The following NCOA2 variants were observed in gnomAD, a reference collection of about 807,000 sequenced individuals.
NCOA2 encodes class E basic helix-loop-helix protein 75.
A neutral mutation model predicts 145.1 loss-of-function variants in NCOA2; 21 were observed. That is an observed-to-expected ratio of 0.14 (90% confidence interval 0.10 to 0.21). The LOEUF (loss-of-function observed/expected upper bound fraction) is 0.21. Among genes scored for constraint, NCOA2 ranks in the 10% least tolerant of loss-of-function variants. NCOA2 has a pLI of 1.00. For synonymous variants in NCOA2, 619 were observed against 637.5 expected (o/e 0.97, Z 0.44); for missense variants, 1,472 against 1,837.6 (o/e 0.80, Z 3.64).
rs547498300 is a variant in NCOA2 at position 70,358,079 on chromosome 8, A to T, written c.-77+45621T>A. ...AAAAACAAAACAGAACAACAACAAA[A>T]AAAACCCTACAAAACACTCCTAAAG... On this transcript the variant is annotated intron_variant, in intron 1 of 22. Coordinates refer to ENST00000452400, the MANE Select transcript of NCOA2 (RefSeq NM_006540.4). Among the ~76,000 whole-genome samples, 3 of 152,104 alleles carry T rather than the reference A, an allele frequency of 2.0e-5. No homozygotes were observed. The South Asian group carries it at 6.2e-4, about 31-fold the overall frequency.
chr8:70,268,935 T>G lies in NCOA2; in HGVS notation c.-20+27809A>C, dbSNP rs1243626748. Among the ~76,000 whole-genome samples the G allele has an allele frequency of 2.0e-5, 3 of 152,326 alleles. No individual in the cohort carries two copies. In the East Asian group the frequency reaches 5.8e-4, roughly 29 times the overall value. On this transcript the variant is annotated intron_variant, in intron 2 of 22. Transcript: ENST00000452400. ...CAACTTTCCCAGTTGTCTCCGCAGC[T>G]AGTCTGTAAAGATAAATATTTATAG...
intron 1 of NCOA2, among the ~76,000 whole-genome samples, chr8:70,305,305 T>C (rs1317709814): frequency 6.6e-6 from 1 of 152,140 alleles, no homozygotes; most frequent in African/African-American, 2.4e-5. Context: ...AAAGGCACCC[T>C]TCCCCAAATG....
At chr8:70,392,672 T>C (rs1813311676) in intron 1 of NCOA2, among the ~76,000 whole-genome samples, 1 of 152,214 alleles carries the variant, frequency 6.6e-6, no homozygotes, top group Non-Finnish European at 1.5e-5. Flanking sequence ...TATTTGGTTT[T>C]GTTTTATTAC....
chr8:70,326,703 T>G (rs1806619181), intron 1 of NCOA2, among the ~76,000 whole-genome samples: 1 of 152,182 alleles, frequency 6.6e-6, no homozygotes, highest in Non-Finnish European at 1.5e-5. Context: ...AAAGTTTACT[T>G]GACCATTATA....
intron 4 of NCOA2, among the ~76,000 whole-genome samples, chr8:70,208,758 AT>A (rs1421335517): frequency 6.6e-6 from 1 of 152,214 alleles, no homozygotes; most frequent in Non-Finnish European, 1.5e-5. Flanking sequence ...TTTACTGACT[AT>A]TTTAAGCCCA....
At chr8:70,353,768 T>C (rs1017225735) in intron 1 of NCOA2, among the ~76,000 whole-genome samples, 18 of 152,248 alleles carry the variant, frequency 1.2e-4, no homozygotes, top group Admixed American at 7.8e-4. Flanking sequence ...TGGTTTGGCC[T>C]ATACGATTTA....
intron 1 of NCOA2, among the ~76,000 whole-genome samples, chr8:70,312,579 T>C (rs1046679693): frequency 6.6e-6 from 1 of 151,796 alleles, no homozygotes; most frequent in African/African-American, 2.4e-5. Flanking sequence ...CAAAATCATC[T>C]TGGAAAACAC....
Position 70,138,300 on chromosome 8 carries a change from G to A in NCOA2, c.3061C>T (p.Pro1021Ser). The A allele has an allele frequency of 6.2e-7, 1 of 1,612,922 alleles. No individual in the cohort carries two copies. Among genetic ancestry groups the A allele is most frequent in the Non-Finnish European group, 8.5e-7 (1 of 1,179,392 alleles). Residue 1021 changes from proline (P) to serine (S), a missense_variant, in exon 15 of 23, where the codon CCT (proline) becomes TCT (serine). Transcript: ENST00000452400. Reference sequence around the variant, plus strand: ...GGAGCTTGTTGTTGGCTATACTGAGGTCCCCCCATGTTCATCTCTAATTCA... The same window carrying A: ...GGAGCTTGTTGTTGGCTATACTGAGATCCCCCCATGTTCATCTCTAATTCA... ...PSELEMNMGG[P>S]QYSQQQAPPN... is the part of the protein sequence containing the mutation.
At chr8:70,405,248 A>C (rs1814714591), upstream of NCOA2, among the ~76,000 whole-genome samples, 1 of 152,024 alleles carries the variant, frequency 6.6e-6, no homozygotes, top group Non-Finnish European at 1.5e-5. Context: ...AAAAGAATAA[A>C]AAAAATGTGT....
chr8:70,314,826 C>T (rs368283800), intron 1 of NCOA2, among the ~76,000 whole-genome samples: 16 of 152,230 alleles, frequency 1.1e-4, no homozygotes, highest in East Asian at 9.7e-4. Flanking sequence ...CTAAGGCCTA[C>T]AAGAGAAACG....
chr8:70,113,572 CTG>C lies in NCOA2; in HGVS notation c.*58_*59del. The C allele has an allele frequency of 6.5e-7, 1 of 1,537,774 alleles. No homozygotes were observed. ...AAACAAATAGACACAGCTCTCCAGA[CTG>C]GAAGTGTTTTGAGCAAGTGAGCCCG... On this transcript the variant is annotated 3_prime_UTR_variant, in exon 23 of 23. Coordinates refer to ENST00000452400, the MANE Select transcript of NCOA2 (RefSeq NM_006540.4).
chr8:70,278,311 T>C (rs1825616448), intron 2 of NCOA2, among the ~76,000 whole-genome samples: 1 of 152,230 alleles, frequency 6.6e-6, no homozygotes, highest in Non-Finnish European at 1.5e-5. Flanking sequence ...ATTCATCAGC[T>C]GATGGATGTT....
At chr8:70,252,379 A>C (rs905947172) in intron 2 of NCOA2, among the ~76,000 whole-genome samples, 3 of 152,216 alleles carry the variant, frequency 2.0e-5, no homozygotes, top group African/African-American at 7.2e-5. Context: ...GTTCAAGACC[A>C]GCCTGGGCAA....
intron 2 of NCOA2, among the ~76,000 whole-genome samples, chr8:70,249,688 T>C (rs949481095): frequency 6.6e-6 from 1 of 151,786 alleles, no homozygotes; most frequent in African/African-American, 2.4e-5. Context: ...GTAGGCCGGG[T>C]GCAGTGGCTC....
At chr8:70,233,900 T>C (rs1202069616) in intron 2 of NCOA2, among the ~76,000 whole-genome samples, 2 of 152,122 alleles carry the variant, frequency 1.3e-5, no homozygotes, top group Non-Finnish European at 2.9e-5. Context: ...CAATTTAATA[T>C]ATACATTAAA....
At chr8:70,273,969 C>G (rs539232421) in intron 2 of NCOA2, 1 of 358,970 alleles carries the variant, frequency 2.8e-6, no homozygotes, top group African/African-American at 2.1e-5. Flanking sequence ...ATCTAGATCT[C>G]TAATATTTTT....
upstream of NCOA2, chr8:70,403,870 C>T (rs188284250): frequency 7.7e-6 from 3 of 388,180 alleles, no homozygotes; most frequent in Admixed American, 1.3e-4. Flanking sequence ...CCTCCTCCTC[C>T]TCCTCCTCCG....
rs771891623 is a variant in NCOA2, at chr8:70,128,805, G to A, written c.3500C>T (p.Thr1167Ile). 268 of 1,613,944 alleles carry A rather than the reference G, an allele frequency of 1.7e-4. No individual in the cohort carries two copies. The highest frequency in any genetic ancestry group is 2.2e-4 in the Non-Finnish European group (255 of 1,179,918). ...GCCCGGTCTGGGCTGCATACGGAGT[G>A]TGGCATAACTAGGCCGCTGTCCCAT... is the stretch of plus-strand genomic sequence containing the variant. ...HTMGQRPSYA[T>I]LRMQPRPGLR... is the part of the protein sequence containing the mutation. The change falls in exon 17 of 23, where the codon ACA becomes ATA. Residue 1167 changes from threonine to isoleucine, a missense_variant. This residue lies in a region of NCOA2 where 953 missense variants were observed against 1,062.1 expected (regional missense o/e 0.90). Transcript: ENST00000452400.
chr8:70,440,826 A>G, the NCOA2 span, among the ~76,000 whole-genome samples: 1 of 151,710 alleles, frequency 6.6e-6, no homozygotes, highest in African/African-American at 2.4e-5. Flanking sequence ...AAAGAGAGCA[A>G]GAAAGAAAGA....
Sources: allele counts gnomAD v4.1 joint callset (sites outside exome capture counted in the v4.1 genomes callset), GRCh38; gene constraint gnomAD v4.1.1; regional missense constraint gnomAD v4.1.1; transcripts MANE v1.5; gene names NCBI Gene and HGNC (gene_info 2026-07-23, HGNC 2026-07-21).